FAM199X: variants seen among roughly 807,000 people sequenced by gnomAD.
FAM199X encodes family with sequence similarity 199, X-linked, also known as protein FAM199X.
Under a neutral mutation model 22.9 loss-of-function variants are expected in FAM199X, and 4 were observed. The ratio of observed to expected loss-of-function variants is 0.17; its 90% CI spans 0.09 to 0.40. FAM199X has a LOEUF of 0.40. FAM199X is among the 10% of genes least tolerant of loss of function. The pLI is 1.00. For synonymous variants in FAM199X, 101 were observed against 112.3 expected (o/e 0.90, Z 0.64); for missense variants, 183 against 306.8 (o/e 0.60, Z 3.01).
At position 104,191,141 on chromosome X, in the gene FAM199X, C is replaced by T. The variant is rs1921929629; in HGVS notation, c.*1363C>T. ...AGCTGTAATCAATATTTTTCAAACTCTAAGAGTACAGAGGTTAGTAAGATT... is the reference window on the plus strand; with the variant it reads ...AGCTGTAATCAATATTTTTCAAACTTTAAGAGTACAGAGGTTAGTAAGATT... On this transcript the variant is annotated 3_prime_UTR_variant, in exon 6 of 6. Coordinates refer to ENST00000493442, the MANE Select transcript of FAM199X (RefSeq NM_207318.4). 9.0e-6 allele frequency: 1 copy of T among 111,317 alleles called. No homozygotes were observed. 9.2% of individuals were successfully genotyped at this position (111,317 alleles called of 1,213,427 possible).
chrX:104,173,742 A>C (rs1556375857), intron 1 of FAM199X, among the ~76,000 whole-genome samples: 4 of 111,886 alleles, frequency 3.6e-5, no homozygotes, highest in Non-Finnish European at 7.5e-5. Context: ...TTAATAGTAT[A>C]AAACTAGTGG....
At chrX:104,184,521 A>G (rs1452387247) in intron 2 of FAM199X, among the ~76,000 whole-genome samples, 2 of 111,932 alleles carry the variant, frequency 1.8e-5, no homozygotes, top group African/African-American at 3.2e-5. Flanking sequence ...TAATGGATAT[A>G]TTTATAACCT....
chrX:104,162,817 A>G (rs1353683723), upstream of FAM199X, among the ~76,000 whole-genome samples: 1 of 111,905 alleles, frequency 8.9e-6, no homozygotes, highest in Non-Finnish European at 1.9e-5. Context: ...TTTGCACCCT[A>G]CAATTCTCTG....
At chrX:104,174,576 A>G (rs782695319) in intron 1 of FAM199X, among the ~76,000 whole-genome samples, 1 of 111,772 alleles carries the variant, frequency 8.9e-6, no homozygotes, top group South Asian at 3.7e-4. Flanking sequence ...ATTATTTCTA[A>G]TATTAAAAAA....
At chrX:104,181,425 T>TG (rs781897324) in intron 2 of FAM199X, among the ~76,000 whole-genome samples, 226 of 112,249 alleles carry the variant, frequency 2.0e-3, no homozygotes, top group African/African-American at 6.7e-3. Context: ...GTTGACTACT[T>TG]GACATTTCCA....
At chrX:104,166,352 C>A (rs782698557), upstream of FAM199X, among the ~76,000 whole-genome samples, 8 of 111,546 alleles carry the variant, frequency 7.2e-5, no homozygotes, top group African/African-American at 2.6e-4. Context: ...CTTGGGGCCG[C>A]GGCGGGCGGA....
upstream of FAM199X, among the ~76,000 whole-genome samples, chrX:104,162,844 A>G (rs1921072436): frequency 9.0e-6 from 1 of 111,370 alleles, no homozygotes; most frequent in Admixed American, 9.6e-5. Flanking sequence ...TCACCTCAAA[A>G]TCCTCATCTT....
At chrX:104,180,226 C>G (rs1301864558) in intron 2 of FAM199X, among the ~76,000 whole-genome samples, 1 of 107,678 alleles carries the variant, frequency 9.3e-6, no homozygotes, top group Non-Finnish European at 1.9e-5. Flanking sequence ...AGCGATCCTT[C>G]CACTTTGGCC....
At position 104,166,901 on chromosome X, in the gene FAM199X, G is replaced by A. The variant is rs1556374076; in HGVS notation, c.116G>A (p.Gly39Asp). The A allele has an allele frequency of 1.7e-6, 2 of 1,203,003 alleles. No homozygotes were observed. The highest frequency in any genetic ancestry group is 2.2e-6 in the Non-Finnish European group (2 of 890,912). ...GGCACCTGCCCGAGCGAGGAGCCGG[G>A]CTGCCTGGACATCAGCGACTTCGGC... is the stretch of plus-strand genomic sequence containing the variant. Reference protein sequence around the residue: ...GVGTCPSEEPGCLDISDFGCQ... With the variant: ...GVGTCPSEEPDCLDISDFGCQ... The change falls in exon 1 of 6, where the codon GGC becomes GAC. Residue 39 changes from glycine to aspartate, a missense_variant. This residue lies in a region of FAM199X where 55 missense variants were observed against 60.6 expected (regional missense o/e 0.91). Coordinates refer to ENST00000493442, the MANE Select transcript of FAM199X (RefSeq NM_207318.4).
chrX:104,175,606 G>A lies in FAM199X; in HGVS notation c.198-17G>A, dbSNP rs782553694. The A allele has an allele frequency of 6.1e-5, 72 of 1,179,023 alleles. No individual in the cohort carries two copies. Among genetic ancestry groups the A allele is most frequent in the Middle Eastern group, 2.3e-4 (1 of 4,299 alleles). On this transcript the variant is annotated splice_polypyrimidine_tract_variant and intron_variant, in intron 1 of 5. Coordinates refer to ENST00000493442, the MANE Select transcript of FAM199X (RefSeq NM_207318.4). ...TTCTGTAGTTCTCTTGATTTCTTTC[G>A]TGTTGTGTTTTTGAAGGTGGAACCT...
intron 5 of FAM199X, among the ~76,000 whole-genome samples, chrX:104,189,155 AT>A (rs1289650902): frequency 1.1e-5 from 1 of 92,841 alleles, no homozygotes. Flanking sequence ...AAAAGGCATG[AT>A]TTTTTTTTTA....
intron 2 of FAM199X, among the ~76,000 whole-genome samples, chrX:104,181,889 A>C (rs1197129306): frequency 9.0e-6 from 1 of 111,385 alleles, no homozygotes; most frequent in African/African-American, 3.3e-5. Context: ...TATGACCTGA[A>C]ATGTCACCAA....
chrX:104,171,142 A>G (rs1328844563), intron 1 of FAM199X, among the ~76,000 whole-genome samples: 1 of 111,645 alleles, frequency 9.0e-6, no homozygotes, highest in Non-Finnish European at 1.9e-5. Context: ...GAATGTGTAC[A>G]TGGTACACAT....
chrX:104,181,975 C>CT (rs1407574742), intron 2 of FAM199X, among the ~76,000 whole-genome samples: 8 of 106,063 alleles, frequency 7.5e-5, no homozygotes, highest in African/African-American at 2.8e-4. Flanking sequence ...AATTTTTTTT[C>CT]TTTTTTCTTT....
chrX:104,162,184 G>A (rs782154325), upstream of FAM199X, among the ~76,000 whole-genome samples: 1 of 112,021 alleles, frequency 8.9e-6, no homozygotes, highest in South Asian at 3.7e-4. Context: ...ATTGGTTGAT[G>A]TGGCTGAGCT....
intron 1 of FAM199X, among the ~76,000 whole-genome samples, chrX:104,169,974 C>G (rs1302100082): frequency 1.8e-5 from 2 of 112,107 alleles, no homozygotes; most frequent in Non-Finnish European, 3.8e-5. Context: ...GCATTCATAC[C>G]TTAAGACCTA....
upstream of FAM199X, among the ~76,000 whole-genome samples, chrX:104,163,139 CTT>C (rs1921080589): frequency 9.8e-6 from 1 of 102,486 alleles, no homozygotes; most frequent in Non-Finnish European, 2.0e-5. Flanking sequence ...CACACACACA[CTT>C]CGAGCTCATC....
chrX:104,170,124 A>G (rs1921314711), intron 1 of FAM199X, among the ~76,000 whole-genome samples: 2 of 112,395 alleles, frequency 1.8e-5, no homozygotes, highest in Non-Finnish European at 3.8e-5. Context: ...GGGGGCAGTG[A>G]TTTTCTGATG....
intron 1 of FAM199X, among the ~76,000 whole-genome samples, chrX:104,167,761 A>T (rs782215923): frequency 1.8e-5 from 2 of 111,056 alleles, no homozygotes; most frequent in East Asian, 5.7e-4. Flanking sequence ...TTTCAGTAGA[A>T]GGTAGTGTTC....
Sources: allele counts gnomAD v4.1 joint callset (sites outside exome capture counted in the v4.1 genomes callset), GRCh38; gene constraint gnomAD v4.1.1; regional missense constraint gnomAD v4.1.1; transcripts MANE v1.5; gene names NCBI Gene and HGNC (gene_info 2026-07-23, HGNC 2026-07-21).